Variants in NR2C2 observed in about 807,000 individuals in gnomAD.
NR2C2 encodes nuclear receptor subfamily 2 group C member 2.
Under a neutral mutation model 62.9 loss-of-function variants are expected in NR2C2, and 6 were observed. The ratio of observed to expected loss-of-function variants is 0.10; its 90% CI spans 0.05 to 0.19. The LOEUF (loss-of-function observed/expected upper bound fraction) is 0.19, where lower values mean the gene tolerates loss of function less well. Among genes scored for constraint, NR2C2 ranks in the 10% least tolerant of loss-of-function variants. The pLI, the probability that NR2C2 is intolerant of heterozygous loss-of-function variation, is 1.00. For missense variants in NR2C2, 479 were observed against 762.7 expected (o/e 0.63, Z 4.38); for synonymous variants, 272 against 273.8 (o/e 0.99, Z 0.07).
intron 1 of NR2C2, among the ~76,000 whole-genome samples, chr3:14,987,116 T>G (rs903200089): frequency 6.6e-6 from 1 of 152,214 alleles, no homozygotes; most frequent in African/African-American, 2.4e-5. Flanking sequence ...AGATTCTCAC[T>G]CTGCCACCCA....
intron 2 of NR2C2, among the ~76,000 whole-genome samples, chr3:15,009,864 G>A (rs1468220990): frequency 2.6e-5 from 4 of 152,112 alleles, no homozygotes; most frequent in Non-Finnish European, 4.4e-5. Context: ...CCTACCTTCT[G>A]GTGGGTGCCA....
chr3:14,969,028 C>A (rs1437556159), intron 1 of NR2C2, among the ~76,000 whole-genome samples: 1 of 145,254 alleles, frequency 6.9e-6, no homozygotes, highest in African/African-American at 2.6e-5. Context: ...GGAGATATAC[C>A]TAATGCTAGA....
rs534843210 is a variant in NR2C2 at position 15,010,445 on chromosome 3, G to T, written c.73-3144G>T. ...AAAGAAAAGAATAATCTAGCCAGGT[G>T]CATTGGTTCTCACCTGTAAACTCCT... On this transcript the variant is annotated intron_variant, in intron 2 of 13. Transcript: ENST00000425241. Among the ~76,000 whole-genome samples the T allele has an allele frequency of 7.2e-5, 11 of 152,150 alleles. No individual in the cohort carries two copies. The South Asian group carries it at 2.3e-3, about 32-fold the overall frequency.
rs746020823 is a variant in NR2C2, at chr3:15,016,179, C to T, written c.301C>T (p.Arg101Cys). 4 of 1,613,916 alleles carry T rather than the reference C, an allele frequency of 2.5e-6. No individual in the cohort carries two copies. Among genetic ancestry groups the T allele is most frequent in the South Asian group, 1.1e-5 (1 of 91,068 alleles). ...TGTCACGGATTCTGCCTCTGTGGAG[C>T]GTTTACTGGGGAAGACGGACGTCCA... ...QIVTDSASVE[R>C]LLGKTDVQRP... The change falls in exon 4 of 14, where the codon CGT becomes TGT. Residue 101 changes from arginine (R) to cysteine (C), a missense_variant. Arg to Cys is a radical substitution (Grantham distance 180). This residue lies in a region of NR2C2 where 115 missense variants were observed against 152.3 expected (regional missense o/e 0.76). Coordinates refer to ENST00000425241, the MANE Select transcript of NR2C2 (RefSeq NM_001291694.2).
intron 1 of NR2C2, among the ~76,000 whole-genome samples, chr3:14,953,110 C>A (rs79147423): frequency 5.4e-4 from 83 of 152,304 alleles, no homozygotes; most frequent in African/African-American, 1.9e-3. Context: ...AGACACTTAA[C>A]TGTTTTTTCT....
At chr3:14,950,605 G>C (rs943948835) in intron 1 of NR2C2, among the ~76,000 whole-genome samples, 2 of 139,196 alleles carry the variant, frequency 1.4e-5, no homozygotes, top group African/African-American at 5.4e-5. Flanking sequence ...CCCATTGCCA[G>C]TCTAAATCAG....
chr3:15,041,072 G>A (rs1272838106), intron 13 of NR2C2, among the ~76,000 whole-genome samples: 3 of 152,154 alleles, frequency 2.0e-5, no homozygotes, highest in Non-Finnish European at 2.9e-5. Context: ...GTAGGGTGAC[G>A]ACAGGTTACT....
chr3:14,995,073 C>T (rs1412082349), intron 1 of NR2C2, among the ~76,000 whole-genome samples: 3 of 148,300 alleles, frequency 2.0e-5, no homozygotes, highest in Admixed American at 2.0e-4. Flanking sequence ...CTTGACCCTC[C>T]GGTCGAGTTG....
At chr3:14,974,903 C>T (rs922952417) in intron 1 of NR2C2, among the ~76,000 whole-genome samples, 23 of 152,248 alleles carry the variant, frequency 1.5e-4, no homozygotes, top group African/African-American at 5.3e-4. Context: ...TGCGTCCAAC[C>T]AGTGTATACT....
intron 1 of NR2C2, among the ~76,000 whole-genome samples, chr3:14,982,923 C>A (rs1004837134): frequency 6.6e-6 from 1 of 152,068 alleles, no homozygotes; most frequent in African/African-American, 2.4e-5. Context: ...TTATATTCAG[C>A]AAATACTGAA....
chr3:15,005,987 C>G (rs2041163058), intron 2 of NR2C2, among the ~76,000 whole-genome samples: 1 of 152,144 alleles, frequency 6.6e-6, no homozygotes, highest in South Asian at 2.1e-4. Flanking sequence ...AGGCTTATTA[C>G]TTGAGCCCAG....
At chr3:15,016,329 A>G in intron 4 of NR2C2, 75 bp downstream of exon 4, 1 of 1,071,524 alleles carries the variant, frequency 9.3e-7, no homozygotes, top group African/African-American at 1.6e-5. Flanking sequence ...GTGGGGTGGT[A>G]GTTAATTTAG....
At chr3:14,955,818 A>G (rs145233747) in intron 1 of NR2C2, among the ~76,000 whole-genome samples, 297 of 150,902 alleles carry the variant, frequency 2.0e-3, no homozygotes, top group African/African-American at 6.6e-3. Flanking sequence ...AGAAAAAATC[A>G]TCCACAGTAT....
chr3:14,993,562 G>A (rs578093680), intron 1 of NR2C2, among the ~76,000 whole-genome samples: 10 of 152,036 alleles, frequency 6.6e-5, no homozygotes, highest in South Asian at 2.1e-4. Context: ...ATTTCTTAGC[G>A]GTCCCATCAT....
At chr3:14,952,522 C>G (rs1177438055) in intron 1 of NR2C2, among the ~76,000 whole-genome samples, 1 of 152,122 alleles carries the variant, frequency 6.6e-6, no homozygotes, top group East Asian at 1.9e-4. Flanking sequence ...TGGTCTAGAC[C>G]CCAAGTCCAG....
intron 1 of NR2C2, among the ~76,000 whole-genome samples, chr3:14,996,109 T>A (rs1479192378): frequency 6.6e-6 from 1 of 152,214 alleles, no homozygotes; most frequent in Non-Finnish European, 1.5e-5. Flanking sequence ...TTTTCTCCCA[T>A]TGTATCAGTT....
In NR2C2 at chr3:14,964,767, C is replaced by T. The variant is rs565089245; in HGVS notation, c.-40+16861C>T. On this transcript the variant is annotated intron_variant, in intron 1 of 13. Transcript: ENST00000425241. ...TTGATCTCCTGACCTCATGATCCGC[C>T]TGCCTTGGCCTCCCAAAGTGCTGGG... 3.3e-4 allele frequency among the ~76,000 whole-genome samples: 51 copies of T among 152,248 alleles called. No homozygotes were observed. The South Asian group carries it at 0.011, about 32-fold the overall frequency.
At position 15,045,679 on chromosome 3, in the gene NR2C2, A is replaced by G. The variant is rs2042424885; in HGVS notation, c.*2671A>G. On this transcript the variant is annotated 3_prime_UTR_variant, in exon 14 of 14. Coordinates refer to ENST00000425241, the MANE Select transcript of NR2C2 (RefSeq NM_001291694.2). ...GGTTGGTTAAGTAAAGTCAGCCCAA[A>G]GTCAAGAATTACTTAAAGAGATGCA... The G allele has an allele frequency of 6.5e-6, 1 of 152,684 alleles. No homozygotes were observed. The highest frequency in any genetic ancestry group is 6.5e-5 in the Admixed American group (1 of 15,288). 9.5% of individuals were successfully genotyped at this position (152,684 alleles called of 1,614,324 possible).
At position 15,046,415 on chromosome 3, in the gene NR2C2, A is replaced by C. The variant is rs762066986; in HGVS notation, c.*3407A>C. ...TACACACATACTTATTAGCTGTCTT[A>C]CTTGTTTGGGGGATAGTTACGGCAA... On this transcript the variant is annotated 3_prime_UTR_variant, in exon 14 of 14. Transcript: ENST00000425241. 6.6e-6 allele frequency: 1 copy of C among 152,222 alleles called. No homozygotes were observed. The highest frequency in any genetic ancestry group is 1.5e-5 in the Non-Finnish European group (1 of 68,030). The allele number at this position is 152,222 out of a possible 1,614,324, so 9.4% of individuals were successfully genotyped here. A position where few individuals can be genotyped will look rare whatever the true frequency, so the allele number is the denominator to read the frequency against.
Sources: gnomAD v4.1 joint callset for allele counts (sites outside exome capture counted in the v4.1 genomes callset) on GRCh38, gnomAD v4.1.1 for gene constraint, gnomAD v4.1.1 regional missense constraint, MANE v1.5 for transcripts, NCBI Gene and HGNC (gene_info 2026-07-23, HGNC 2026-07-21) for gene names.